The following SUCO variants were observed in gnomAD, a reference collection of about 807,000 sequenced individuals.
SUCO encodes the protein SUN domain containing ossification factor.
Under a neutral mutation model 148.1 loss-of-function variants are expected in SUCO, and 57 were observed. The ratio of observed to expected loss-of-function variants is 0.38; its 90% CI spans 0.31 to 0.48. The LOEUF is 0.48. SUCO is among the 20% of genes least tolerant of loss of function. The pLI is 0.96. For missense variants in SUCO, 1,331 were observed against 1,468.2 expected (o/e 0.91, Z 1.53); for synonymous variants, 470 against 502.7 (o/e 0.93, Z 0.87).
chr1:172,542,441 C>T (rs548788563), intron 1 of SUCO, among the ~76,000 whole-genome samples: 105 of 152,250 alleles, frequency 6.9e-4, no homozygotes, highest in African/African-American at 2.3e-3. Context: ...TCCCCAGCCC[C>T]TGGGCTGCGG....
rs560183370 is a variant in SUCO, at chr1:172,581,276, A to G, written c.1498+2009A>G. 1.2e-4 allele frequency among the ~76,000 whole-genome samples: 18 copies of G among 152,256 alleles called. 1 individual carries two copies. Among genetic ancestry groups the G allele is most frequent in the Non-Finnish European group, 2.4e-4 (16 of 68,020 alleles). On this transcript the variant is annotated intron_variant, in intron 15 of 23. Coordinates refer to ENST00000263688, the MANE Select transcript of SUCO (RefSeq NM_014283.5). The stretch of plus-strand genomic sequence containing the variant: ...GTATATCACTTAATTTTCCTTTTAC[A>G]GATCTCTGGGAGGGCAAGGTTATCT...
Position 172,594,168 on chromosome 1 carries a change from C to A in SUCO, c.2913+3097C>A, listed in dbSNP as rs1202004466. On this transcript the variant is annotated intron_variant, in intron 19 of 23. Transcript: ENST00000263688. ...CATCTATTTTTTTCTTCTCTCTTTT[C>A]TTCTTTATTAGTCTTGCTAGTGGTC... 3.3e-5 allele frequency among the ~76,000 whole-genome samples: 5 copies of A among 151,112 alleles called. No homozygotes were observed. In the East Asian group the frequency reaches 9.7e-4, roughly 29 times the overall value.
intron 4 of SUCO, 67 bp from the exon 5 acceptor site, chr1:172,557,213 T>A: frequency 6.5e-7 from 1 of 1,534,236 alleles, no homozygotes. Context: ...TCACTAATAG[T>A]GTTTTTAATG....
At chr1:172,601,564 A>G (rs1384960930) in intron 20 of SUCO, among the ~76,000 whole-genome samples, 1 of 152,120 alleles carries the variant, frequency 6.6e-6, no homozygotes, top group Non-Finnish European at 1.5e-5. Context: ...GTAGGATTCT[A>G]AAAGTGGAGA....
At chr1:172,583,423 T>G (rs896428586) in intron 15 of SUCO, among the ~76,000 whole-genome samples, 2 of 152,142 alleles carry the variant, frequency 1.3e-5, no homozygotes, top group Non-Finnish European at 2.9e-5. Context: ...CACTCATAAT[T>G]TCGTGAAGAT....
chr1:172,602,550 C>T, intron 21 of SUCO, 146 bp from the exon 22 acceptor site: 1 of 1,423,244 alleles, frequency 7.0e-7, no homozygotes, highest in South Asian at 1.7e-5. Flanking sequence ...TTTTTTTTTC[C>T]ACCTGTATTA....
chr1:172,598,647 T>C (rs765775060), intron 19 of SUCO, among the ~76,000 whole-genome samples: 2 of 152,248 alleles, frequency 1.3e-5, no homozygotes, highest in Non-Finnish European at 2.9e-5. Context: ...GTAGCATCTA[T>C]GTCTTGTGTC....
intron 23 of SUCO, chr1:172,609,221 T>TC: frequency 1.0e-6 from 1 of 977,282 alleles, no homozygotes; most frequent in Non-Finnish European, 1.2e-6. Context: ...ATCCTCATTT[T>TC]TTTTTTTAAT....
intron 1 of SUCO, among the ~76,000 whole-genome samples, chr1:172,548,550 T>A (rs2149224729): frequency 6.6e-6 from 1 of 152,196 alleles, no homozygotes; most frequent in African/African-American, 2.4e-5. Context: ...TGCTATTGTC[T>A]TATCTACATC....
intron 15 of SUCO, among the ~76,000 whole-genome samples, chr1:172,580,968 G>GA (rs1655836648): frequency 0.024 from 1 of 42 alleles, no homozygotes; most frequent in African/African-American, 0.083. Flanking sequence ...CAAGCATGGT[G>GA]CGTGCGCCTA....
chr1:172,610,270 A>G lies in SUCO; in HGVS notation c.*11A>G. 2 of 1,560,440 alleles carry G rather than the reference A, an allele frequency of 1.3e-6. No homozygotes were observed. Among genetic ancestry groups the G allele is most frequent in the South Asian group, 1.2e-5 (1 of 81,790 alleles). Reference sequence around the variant, plus strand: ...TCGGGACATATCTAAAATTAATTGAACTTTTCATACAGAAGACTTTTTTGT... The same window carrying G: ...TCGGGACATATCTAAAATTAATTGAGCTTTTCATACAGAAGACTTTTTTGT... On this transcript the variant is annotated 3_prime_UTR_variant, in exon 24 of 24. Transcript: ENST00000263688.
chr1:172,562,930 C>A (rs1276579522), intron 6 of SUCO, among the ~76,000 whole-genome samples: 1 of 152,114 alleles, frequency 6.6e-6, no homozygotes, highest in African/African-American at 2.4e-5. Context: ...TGACTTCTCA[C>A]AAGATCTAGT....
At chr1:172,582,173 AAGGGAGAT>A (rs1454177444) in intron 15 of SUCO, among the ~76,000 whole-genome samples, 1 of 152,136 alleles carries the variant, frequency 6.6e-6, no homozygotes, top group Non-Finnish European at 1.5e-5. Flanking sequence ...CTATCTGCTA[AAGGGAGAT>A]AGGTGCATGT....
At chr1:172,596,020 C>A (rs530116859) in intron 19 of SUCO, among the ~76,000 whole-genome samples, 17 of 152,124 alleles carry the variant, frequency 1.1e-4, no homozygotes, top group Non-Finnish European at 1.9e-4. Context: ...CGCTTCATTT[C>A]GTTCATTTGA....
chr1:172,568,757 A>C (rs1654737443), intron 6 of SUCO, among the ~76,000 whole-genome samples: 1 of 152,138 alleles, frequency 6.6e-6, no homozygotes, highest in African/African-American at 2.4e-5. Context: ...GAGTTTTATA[A>C]ATTATTTTTT....
chr1:172,571,671 C>T (rs1228680748), intron 9 of SUCO, among the ~76,000 whole-genome samples: 6 of 122,688 alleles, frequency 4.9e-5, no homozygotes, highest in Non-Finnish European at 6.8e-5. Context: ...TCTGCCCGGC[C>T]GCCCATCGTC....
At chr1:172,565,210 G>A (rs1187624094) in intron 6 of SUCO, among the ~76,000 whole-genome samples, 3 of 152,172 alleles carry the variant, frequency 2.0e-5, no homozygotes, top group Non-Finnish European at 4.4e-5. Flanking sequence ...GAACCTACCT[G>A]GTAGTGGAGA....
intron 4 of SUCO, chr1:172,556,971 A>G (rs955666069): frequency 1.2e-5 from 12 of 982,190 alleles, no homozygotes; most frequent in Non-Finnish European, 1.5e-5. Flanking sequence ...GGATGCCATA[A>G]GTAACAACTT....
chr1:172,567,730 A>G (rs1571223459), intron 6 of SUCO, among the ~76,000 whole-genome samples: 1 of 152,210 alleles, frequency 6.6e-6, no homozygotes, highest in East Asian at 1.9e-4. Context: ...TTAGATTTAT[A>G]CATGGGGTGT....
Sources: gnomAD v4.1 joint callset for allele counts (sites outside exome capture counted in the v4.1 genomes callset) on GRCh38, gnomAD v4.1.1 for gene constraint, MANE v1.5 for transcripts, NCBI Gene and HGNC (gene_info 2026-07-23, HGNC 2026-07-21) for gene names.